GPR37L1: variants seen among roughly 807,000 people sequenced by gnomAD.
GPR37L1 encodes G protein-coupled receptor 37 like 1, also known as G protein-coupled receptor 37-like 1.
In GPR37L1, 18 loss-of-function variants were observed where a neutral mutation model predicts 18.0. That is an observed-to-expected ratio of 1.00 (90% confidence interval 0.69 to 1.49). The LOEUF (loss-of-function observed/expected upper bound fraction) is 1.49. Ranked by LOEUF, GPR37L1 falls within the 40% of genes most tolerant of loss-of-function variation. GPR37L1 has a pLI of 0.00. For missense variants in GPR37L1, 558 were observed against 615.1 expected (o/e 0.91, Z 0.98); for synonymous variants, 256 against 273.9 (o/e 0.93, Z 0.65).
Position 202,130,903 on chromosome 1 carries a change from T to C in GPR37L1, c.*2347T>C, listed in dbSNP as rs1654833068. ...CTCCACAAAGGGTGCCCTCCACCTC[T>C]CCCTCCTGCTGGTTGGCCGGCTCAG... On this transcript the variant is annotated 3_prime_UTR_variant, in exon 2 of 2. Coordinates refer to ENST00000367282, the MANE Select transcript of GPR37L1 (RefSeq NM_004767.5). 1 of 152,202 alleles carries C rather than the reference T, an allele frequency of 6.6e-6. No individual in the cohort carries two copies. 9.4% of individuals were successfully genotyped at this position (152,202 alleles called of 1,614,324 possible).
Position 202,128,543 on chromosome 1 carries a change from G to T in GPR37L1, c.1433G>T (p.Gly478Val). Residue 478 changes from glycine (G) to valine (V), a missense_variant, in exon 2 of 2, where the codon GGC (glycine) becomes GTC (valine). Coordinates refer to ENST00000367282, the MANE Select transcript of GPR37L1 (RefSeq NM_004767.5). ...PRESPPLLPL[G>V]TPC is the part of the protein sequence containing the mutation. ...GAGTCACCCCCACTCCTGCCCCTGG[G>T]CACACCTTGCTGAGGCCCCAGTAGG... 1 of 1,498,620 alleles carries T rather than the reference G, an allele frequency of 6.7e-7. No homozygotes were observed. The highest frequency in any genetic ancestry group is 1.2e-5 in the South Asian group (1 of 81,410). 92.8% of individuals were successfully genotyped at this position (1,498,620 alleles called of 1,614,324 possible). A position where few individuals can be genotyped will look rare whatever the true frequency, so the allele number is the denominator to read the frequency against.
In GPR37L1 at chr1:202,128,755, C is replaced by A. The variant is rs904173078; in HGVS notation, c.*199C>A. ...CCCTTGTGGGGCCTTCCAACCCTGT[C>A]CTTTCCACTGGTGGGCGGTGATGCT... On this transcript the variant is annotated 3_prime_UTR_variant, in exon 2 of 2. Transcript: ENST00000367282. The A allele has an allele frequency of 5.4e-6, 3 of 551,774 alleles. No individual in the cohort carries two copies. Among genetic ancestry groups the A allele is most frequent in the Non-Finnish European group, 9.6e-6 (3 of 311,824 alleles). The allele number at this position is 551,774 out of a possible 1,614,324, so 34.2% of individuals were successfully genotyped here. A position where few individuals can be genotyped will look rare whatever the true frequency, so the allele number is the denominator to read the frequency against.
At position 202,123,416 on chromosome 1, in the gene GPR37L1, C is replaced by T; in HGVS notation, c.453C>T (p.Val151=). The T allele has an allele frequency of 1.2e-6, 2 of 1,614,146 alleles. No homozygotes were observed. Among genetic ancestry groups the T allele is most frequent in the Non-Finnish European group, 1.7e-6 (2 of 1,180,006 alleles). ...FAVGIVGNLS[V]MCIVWHSYYL... ...TGGGCATTGTGGGCAACCTGTCGGT[C>T]ATGTGCATCGTGTGGCACAGCTACT... The change falls in exon 1 of 2, where the codon GTC becomes GTT. Residue 151 remains valine, a synonymous_variant. Transcript: ENST00000367282.
In GPR37L1 at chr1:202,130,369, C is replaced by A; in HGVS notation, c.*1813C>A. ...GATGGGCAGGGGCAGGGTTTCCAAG[C>A]GCCTGGGGCTCCATTCTCCTCTGTC... On this transcript the variant is annotated 3_prime_UTR_variant, in exon 2 of 2. Transcript: ENST00000367282. The A allele has an allele frequency of 6.6e-6, 1 of 152,654 alleles. No individual in the cohort carries two copies. The highest frequency in any genetic ancestry group is 3.4e-3 in the Middle Eastern group (1 of 296). The allele number at this position is 152,654 out of a possible 1,614,324, so 9.5% of individuals were successfully genotyped here. A position where few individuals can be genotyped will look rare whatever the true frequency, so the allele number is the denominator to read the frequency against.
chr1:202,126,542 A>C (rs1654664261), intron 1 of GPR37L1, among the ~76,000 whole-genome samples: 1 of 151,994 alleles, frequency 6.6e-6, no homozygotes, highest in Non-Finnish European at 1.5e-5. Flanking sequence ...AAAGCTGGGG[A>C]TTGTGTTCCC....
intron 1 of GPR37L1, among the ~76,000 whole-genome samples, chr1:202,125,810 C>T (rs931282269): frequency 6.6e-6 from 1 of 152,224 alleles, no homozygotes; most frequent in Admixed American, 6.5e-5. Flanking sequence ...CAACCTCCGC[C>T]TCCCAGGTTC....
intron 1 of GPR37L1, among the ~76,000 whole-genome samples, chr1:202,126,118 A>T (rs184929676): frequency 5.9e-5 from 9 of 152,248 alleles, no homozygotes; most frequent in Admixed American, 5.9e-4. Flanking sequence ...GATGTAAAAT[A>T]GAAGGGCAGG....
In GPR37L1 at chr1:202,128,633, G is replaced by C. The variant is rs555834757; in HGVS notation, c.*77G>C. ...CTGCTGTTCTTTCCCCATAGGTCTT[G>C]CTTTGTTGCCTGTCTTGCTGTCTAG... On this transcript the variant is annotated 3_prime_UTR_variant, in exon 2 of 2. Coordinates refer to ENST00000367282, the MANE Select transcript of GPR37L1 (RefSeq NM_004767.5). The C allele has an allele frequency of 3.4e-6, 3 of 893,152 alleles. No homozygotes were observed. The Admixed American group carries it at 8.5e-5, about 25-fold the overall frequency. 55.3% of individuals were successfully genotyped at this position (893,152 alleles called of 1,614,324 possible).
At chr1:202,125,133 G>A (rs1386440509) in intron 1 of GPR37L1, among the ~76,000 whole-genome samples, 3 of 124,100 alleles carry the variant, frequency 2.4e-5, no homozygotes, top group East Asian at 2.4e-4. Context: ...CAGCCTGGGT[G>A]ACAGAGTGAA....
chr1:202,132,005 G>A lies in GPR37L1; in HGVS notation c.*3449G>A, dbSNP rs989616768. The A allele has an allele frequency of 2.6e-5, 4 of 152,174 alleles. No homozygotes were observed. Among genetic ancestry groups the A allele is most frequent in the African/African-American group, 9.7e-5 (4 of 41,426 alleles). The allele number at this position is 152,174 out of a possible 1,614,324, so 9.4% of individuals were successfully genotyped here. A position where few individuals can be genotyped will look rare whatever the true frequency, so the allele number is the denominator to read the frequency against. On this transcript the variant is annotated 3_prime_UTR_variant, in exon 2 of 2. Transcript: ENST00000367282. Reference sequence around the variant, plus strand: ...CCTACCTCGGGCTCCCAAAGTACTGGGATTACAGGCATGAGCACCTGGCCC... The same window carrying A: ...CCTACCTCGGGCTCCCAAAGTACTGAGATTACAGGCATGAGCACCTGGCCC...
At chr1:202,126,191 C>T (rs113495630) in intron 1 of GPR37L1, among the ~76,000 whole-genome samples, 11 of 152,054 alleles carry the variant, frequency 7.2e-5, no homozygotes, top group South Asian at 2.1e-4. Context: ...GGGCGGATCA[C>T]GAGGTCAGGA....
Position 202,122,929 on chromosome 1 carries a change from T to C in GPR37L1, c.-35T>C. 2 of 1,610,068 alleles carry C rather than the reference T, an allele frequency of 1.2e-6. No individual in the cohort carries two copies. The highest frequency in any genetic ancestry group is 1.7e-6 in the Non-Finnish European group (2 of 1,179,278). ...TCTTGGGCCCCCTGCACTCACCTGCTCTTCCTGGGCTGGCTGTCTCCTGCT... is the reference window on the plus strand; with the variant it reads ...TCTTGGGCCCCCTGCACTCACCTGCCCTTCCTGGGCTGGCTGTCTCCTGCT... On this transcript the variant is annotated 5_prime_UTR_variant, in exon 1 of 2. Coordinates refer to ENST00000367282, the MANE Select transcript of GPR37L1 (RefSeq NM_004767.5).
rs1654834171 is a variant in GPR37L1, at chr1:202,130,930, G to A, written c.*2374G>A. On this transcript the variant is annotated 3_prime_UTR_variant, in exon 2 of 2. Coordinates refer to ENST00000367282, the MANE Select transcript of GPR37L1 (RefSeq NM_004767.5). ...CCTCCTGCTGGTTGGCCGGCTCAGAGATGAAGGGGGAGAGATGGTGGCTCC... is the reference window on the plus strand; with the variant it reads ...CCTCCTGCTGGTTGGCCGGCTCAGAAATGAAGGGGGAGAGATGGTGGCTCC... The A allele has an allele frequency of 6.6e-6, 1 of 152,318 alleles. No homozygotes were observed. The highest frequency in any genetic ancestry group is 1.5e-5 in the Non-Finnish European group (1 of 68,120). The allele number at this position is 152,318 out of a possible 1,614,324, so 9.4% of individuals were successfully genotyped here.
In GPR37L1 at chr1:202,123,154, G is replaced by A. The variant is rs1229386614; in HGVS notation, c.191G>A (p.Trp64Ter). The A allele has an allele frequency of 6.2e-7, 1 of 1,613,428 alleles. No individual in the cohort carries two copies. The change falls in exon 1 of 2, where the codon TGG (tryptophan) becomes TAG (stop). Residue 64 changes from tryptophan to a stop codon, truncating the protein, a stop_gained. Coordinates refer to ENST00000367282, the MANE Select transcript of GPR37L1 (RefSeq NM_004767.5). LOFTEE classifies it high-confidence loss of function. ...KGVQQYVPEE[W>*]AEYPRPIHPA... ...GTGCAGCAGTATGTGCCTGAGGAGT[G>A]GGCGGAGTACCCCCGGCCCATTCAC...
At position 202,123,609 on chromosome 1, in the gene GPR37L1, G is replaced by A. The variant is rs753650278; in HGVS notation, c.630+16G>A. ...CTTCATGGAGGTGAGTGTGTGTTCT[G>A]TTTGAGCTCTGCTGGGAGGCTGCAA... On this transcript the variant is annotated intron_variant, in intron 1 of 1. Transcript: ENST00000367282. 3 of 1,554,016 alleles carry A rather than the reference G, an allele frequency of 1.9e-6. No individual in the cohort carries two copies. The Admixed American group carries it at 5.7e-5, about 29-fold the overall frequency.
chr1:202,127,702 G>A, intron 1 of GPR37L1, 39 bp from the exon 2 acceptor site: 2 of 1,417,402 alleles, frequency 1.4e-6, no homozygotes, highest in Admixed American at 2.2e-5. Flanking sequence ...CATAGATTTT[G>A]ACCAAGTGCT....
chr1:202,126,838 C>CGTGCATGTGT (rs1553315417), intron 1 of GPR37L1, among the ~76,000 whole-genome samples: 15 of 146,352 alleles, frequency 1.0e-4, no homozygotes, highest in African/African-American at 3.8e-4. Flanking sequence ...CAGAAACGTG[C>CGTGCATGTGT]GTGTGTGTGT....
At chr1:202,124,545 C>CT (rs1480025704) in intron 1 of GPR37L1, among the ~76,000 whole-genome samples, 2 of 152,254 alleles carry the variant, frequency 1.3e-5, no homozygotes, top group African/African-American at 4.8e-5. Context: ...GCCACCCTCT[C>CT]TCTCTCTGTA....
At position 202,123,534 on chromosome 1, in the gene GPR37L1, G is replaced by T; in HGVS notation, c.571G>T (p.Glu191Ter). ...FFCLPIVIFN[E>*]ITKQRLLGDV... Reference sequence around the variant, plus strand: ...CTGCCTCCCTATTGTCATCTTCAACGAGATCACCAAGCAGAGGCTACTGGG... The same window carrying T: ...CTGCCTCCCTATTGTCATCTTCAACTAGATCACCAAGCAGAGGCTACTGGG... Residue 191 changes from glutamate to a stop codon, truncating the protein, a stop_gained, in exon 1 of 2, where the codon GAG becomes TAG. Transcript: ENST00000367282. LOFTEE classifies it high-confidence loss of function. 1 of 1,612,164 alleles carries T rather than the reference G, an allele frequency of 6.2e-7. No individual in the cohort carries two copies. Among genetic ancestry groups the T allele is most frequent in the Non-Finnish European group, 8.5e-7 (1 of 1,179,040 alleles).
Sources: allele counts gnomAD v4.1 joint callset (sites outside exome capture counted in the v4.1 genomes callset), GRCh38; gene constraint gnomAD v4.1.1; transcripts MANE v1.5; gene names NCBI Gene and HGNC (gene_info 2026-07-23, HGNC 2026-07-21).